ATL2: variants seen among roughly 807,000 people sequenced by gnomAD.
ATL2 encodes the protein atlastin GTPase 2, also known as atlastin-2.
Under a neutral mutation model 73.9 loss-of-function variants are expected in ATL2, and 31 were observed. That is an observed-to-expected ratio of 0.42 (90% confidence interval 0.32 to 0.57). The LOEUF (loss-of-function observed/expected upper bound fraction) is 0.57, where lower values mean the gene tolerates loss of function less well. Ranked by LOEUF, ATL2 falls within the 20% of genes least tolerant of loss-of-function variation. ATL2 has a pLI of 0.14. For synonymous variants in ATL2, 291 were observed against 237.5 expected, an observed-to-expected ratio of 1.23 and a Z score of -2.07; for missense variants, 738 against 702.6, an observed-to-expected ratio of 1.05 and a Z score of -0.57.
At position 38,329,001 on chromosome 2, in the gene ATL2, A is replaced by G. The variant is rs529984354; in HGVS notation, c.364-9982T>C. On this transcript the variant is annotated intron_variant, in intron 2 of 12. Coordinates refer to ENST00000378954, the MANE Select transcript of ATL2 (RefSeq NM_001135673.4). The stretch of plus-strand genomic sequence containing the variant: ...AATCTTCATTACTAATTCCTTGAAC[A>G]TTAAAAAAATAAAAGAATACTAAGA... Among the ~76,000 whole-genome samples the G allele has an allele frequency of 6.6e-5, 10 of 152,084 alleles. No homozygotes were observed. The South Asian group carries it at 2.1e-3, about 32-fold the overall frequency.
At chr2:38,338,850 C>T (rs1669527920) in intron 2 of ATL2, among the ~76,000 whole-genome samples, 1 of 152,138 alleles carries the variant, frequency 6.6e-6, no homozygotes. Flanking sequence ...TCCCATCACC[C>T]CAGTCTAACC....
In ATL2 at chr2:38,343,339, A is replaced by T; in HGVS notation, c.292T>A (p.Ser98Thr). ...HIRDLNIVVV[S>T]VAGAFRKGKS... ...CCTTTACGAAAAGCTCCTGCCACAG[A>T]TACCACTACTATGTTAAGATCTCGT... Residue 98 changes from serine to threonine, a missense_variant, in exon 2 of 13, where the codon TCT becomes ACT. Ser to Thr is a moderately conservative substitution (Grantham distance 58). Transcript: ENST00000378954. The T allele has an allele frequency of 6.2e-7, 1 of 1,611,568 alleles. No homozygotes were observed. The highest frequency in any genetic ancestry group is 1.3e-5 in the African/African-American group (1 of 74,316).
At chr2:38,339,942 C>T (rs1025330904) in intron 2 of ATL2, among the ~76,000 whole-genome samples, 5 of 152,132 alleles carry the variant, frequency 3.3e-5, no homozygotes, top group Non-Finnish European at 5.9e-5. Flanking sequence ...CTACCCACCT[C>T]GGCCTCCCAA....
At chr2:38,333,891 A>C (rs1241960768) in intron 2 of ATL2, among the ~76,000 whole-genome samples, 2 of 152,178 alleles carry the variant, frequency 1.3e-5, no homozygotes, top group East Asian at 3.9e-4. Context: ...AGCTTTTCTG[A>C]CTCAAATCTA....
At chr2:38,327,540 C>CAAAAAAAAAAAAAAAAAACAA (rs56332855) in intron 2 of ATL2, among the ~76,000 whole-genome samples, 1 of 89,964 alleles carries the variant, frequency 1.1e-5, no homozygotes, top group African/African-American at 3.7e-5. Context: ...AAAAAAAGTA[C>CAAAAAAAAAAAAAAAAAACAA]AAAAAAAAAA....
At position 38,309,402 on chromosome 2, in the gene ATL2, T is replaced by C. The variant is rs1186035026; in HGVS notation, c.1048A>G (p.Arg350Gly). The C allele has an allele frequency of 1.2e-6, 2 of 1,610,856 alleles. No homozygotes were observed. Among genetic ancestry groups the C allele is most frequent in the African/African-American group, 1.3e-5 (1 of 74,878 alleles). ...ACCTTAAAATATTCTACAAGATCTCTACAAGTGACTTTAGATCCACTTATC... is the reference window on the plus strand; with the variant it reads ...ACCTTAAAATATTCTACAAGATCTCCACAAGTGACTTTAGATCCACTTATC... Reference protein sequence around the residue: ...KEISGSKVTCRDLVEYFKAYI... With the variant: ...KEISGSKVTCGDLVEYFKAYI... Residue 350 changes from arginine to glycine, a missense_variant, in exon 9 of 13, where the codon AGA becomes GGA. By Grantham distance (125) the Arg-to-Gly change is moderately radical (BLOSUM62 -2). Transcript: ENST00000378954.
intron 9 of ATL2, among the ~76,000 whole-genome samples, chr2:38,301,873 C>T (rs1411796698): frequency 6.6e-6 from 1 of 152,212 alleles, no homozygotes; most frequent in Non-Finnish European, 1.5e-5. Flanking sequence ...CTGCTAGTGT[C>T]ACTCCCCCTA....
At chr2:38,356,991 G>C (rs1029037177) in intron 1 of ATL2, among the ~76,000 whole-genome samples, 3 of 152,114 alleles carry the variant, frequency 2.0e-5, no homozygotes, top group African/African-American at 7.2e-5. Flanking sequence ...GTAAACTGGA[G>C]TACCTTGTAT....
chr2:38,330,513 A>G (rs982130958), intron 2 of ATL2, among the ~76,000 whole-genome samples: 2 of 152,216 alleles, frequency 1.3e-5, no homozygotes, highest in African/African-American at 4.8e-5. Flanking sequence ...AACTCGAAGG[A>G]ATCCGCTAAA....
intron 1 of ATL2, among the ~76,000 whole-genome samples, chr2:38,367,159 T>C (rs1188673519): frequency 2.0e-5 from 3 of 151,802 alleles, no homozygotes; most frequent in Non-Finnish European, 2.9e-5. Flanking sequence ...TCAGGTAGGT[T>C]TTTTTTTAGG....
chr2:38,377,307 G>A, upstream of ATL2: 7 of 1,469,564 alleles, frequency 4.8e-6, no homozygotes, highest in African/African-American at 1.5e-5. Context: ...AAACGCCGCC[G>A]CCGCTTTATC....
At chr2:38,360,066 G>T (rs1312072473) in intron 1 of ATL2, among the ~76,000 whole-genome samples, 1 of 149,050 alleles carries the variant, frequency 6.7e-6, no homozygotes, top group Non-Finnish European at 1.5e-5. Flanking sequence ...GGAGGTAGAG[G>T]TTGCAGTGAG....
At position 38,315,292 on chromosome 2, in the gene ATL2, G is replaced by T; in HGVS notation, c.646C>A (p.His216Asn). ...SQNIQEDDLQ[H>N]LQLFTEYGRL... ...AAAAAAGAAATACGTACTTGCAAAT[G>T]TTGAAGATCATCTTCTTGAATATTC... Residue 216 changes from histidine (H) to asparagine (N), a missense_variant, in exon 5 of 13, where the codon CAT becomes AAT. Transcript: ENST00000378954. 6.7e-7 allele frequency: 1 copy of T among 1,489,500 alleles called. No homozygotes were observed. The highest frequency in any genetic ancestry group is 8.9e-7 in the Non-Finnish European group (1 of 1,129,068). 92.3% of individuals were successfully genotyped at this position (1,489,500 alleles called of 1,614,324 possible).
chr2:38,360,128 CAAAAA>C (rs755582696), intron 1 of ATL2, among the ~76,000 whole-genome samples: 3 of 81,962 alleles, frequency 3.7e-5, no homozygotes, highest in Non-Finnish European at 8.5e-5. Context: ...GGCTCCATTT[CAAAAA>C]AAAAAAAAAA....
chr2:38,348,776 G>A (rs1156399681), intron 1 of ATL2, among the ~76,000 whole-genome samples: 3 of 151,824 alleles, frequency 2.0e-5, no homozygotes, highest in Non-Finnish European at 4.4e-5. Flanking sequence ...CTACTCATCT[G>A]ACAAAGGGCT....
intron 2 of ATL2, among the ~76,000 whole-genome samples, chr2:38,319,990 C>A (rs1160076101): frequency 1.3e-5 from 2 of 152,020 alleles, no homozygotes; most frequent in Non-Finnish European, 2.9e-5. Flanking sequence ...TGCCTATAAT[C>A]CCAGCTACTC....
intron 8 of ATL2, among the ~76,000 whole-genome samples, chr2:38,309,729 T>C (rs1667644295): frequency 6.6e-6 from 1 of 152,084 alleles, no homozygotes; most frequent in African/African-American, 2.4e-5. Flanking sequence ...CTAGTAACAC[T>C]GCCAGTTCAA....
chr2:38,348,627 GAAGTTT>G (rs1219740336), intron 1 of ATL2, among the ~76,000 whole-genome samples: 11 of 149,348 alleles, frequency 7.4e-5, no homozygotes, highest in African/African-American at 2.2e-4. Context: ...TGGTTTTTTA[GAAGTTT>G]AAGAAAAAAA....
intron 6 of ATL2, among the ~76,000 whole-genome samples, chr2:38,313,543 T>A (rs80253516): frequency 0.038 from 5,807 of 152,214 alleles, 148 homozygotes; most frequent in African/African-American, 0.071. Flanking sequence ...GACACACGGA[T>A]CATAATTTTA....
Sources: allele counts gnomAD v4.1 joint callset (sites outside exome capture counted in the v4.1 genomes callset), GRCh38; gene constraint gnomAD v4.1.1; transcripts MANE v1.5; gene names NCBI Gene and HGNC (gene_info 2026-07-23, HGNC 2026-07-21).